TIAM2: variants seen among roughly 807,000 people sequenced by gnomAD.
The protein encoded by TIAM2 is TIAM Rac1 associated GEF 2, also known as rho guanine nucleotide exchange factor TIAM2.
A neutral mutation model predicts 152.9 loss-of-function variants in TIAM2; 80 were observed. The ratio of observed to expected loss-of-function variants is 0.52; its 90% CI spans 0.44 to 0.63. TIAM2 has a LOEUF of 0.63. TIAM2 is among the 30% of genes least tolerant of loss of function. The probability of loss-of-function intolerance (pLI) is 0.00; values close to 1 mark genes in which losing one functional copy is unlikely to be tolerated. For synonymous variants in TIAM2, 804 were observed against 838.0 expected (o/e 0.96, Z 0.70); for missense variants, 1,965 against 2,120.1 (o/e 0.93, Z 1.44).
chr6:155,250,652 TGGTCAC>T, intron 21 of TIAM2: 3 of 1,530,566 alleles, frequency 2.0e-6, no homozygotes, highest in Non-Finnish European at 1.8e-6. Context: ...GAAACTGAGT[TGGTCAC>T]AAGGCATGTC....
Position 155,256,832 on chromosome 6 carries a change from A to G in TIAM2, c.4817A>G (p.Glu1606Gly). Residue 1606 changes from glutamate (E) to glycine (G), a missense_variant, in exon 27 of 27, where the codon GAG becomes GGG. Coordinates refer to ENST00000682666, the MANE Select transcript of TIAM2 (RefSeq NM_012454.4). ...RISEDPDVHP[E>G]AEQQPGPESG... is the part of the protein sequence containing the mutation. Reference sequence around the variant, plus strand: ...TCCGAGGACCCAGACGTTCACCCCGAGGCTGAGCAGCAGCCTGGCCCGGAG... The same window carrying G: ...TCCGAGGACCCAGACGTTCACCCCGGGGCTGAGCAGCAGCCTGGCCCGGAG... 1 of 1,614,200 alleles carries G rather than the reference A, an allele frequency of 6.2e-7. No homozygotes were observed. The highest frequency in any genetic ancestry group is 8.5e-7 in the Non-Finnish European group (1 of 1,180,032).
chr6:155,221,977 G>C (rs1782060336), intron 15 of TIAM2, among the ~76,000 whole-genome samples: 1 of 151,374 alleles, frequency 6.6e-6, no homozygotes, highest in Non-Finnish European at 1.5e-5. Context: ...TTTTTGAGAG[G>C]GAGTCTCACT....
intron 14 of TIAM2, among the ~76,000 whole-genome samples, chr6:155,205,030 C>T (rs1781562187): frequency 6.6e-6 from 1 of 151,920 alleles, no homozygotes; most frequent in Non-Finnish European, 1.5e-5. Context: ...TTTATCATAG[C>T]ATTAATATTC....
At chr6:155,029,785 G>T (rs1381369352) in intron 1 of TIAM2, among the ~76,000 whole-genome samples, 2 of 131,644 alleles carry the variant, frequency 1.5e-5, no homozygotes, top group African/African-American at 5.6e-5. Context: ...GACTTTTTGT[G>T]TTTTTTTTGT....
intron 19 of TIAM2, among the ~76,000 whole-genome samples, chr6:155,246,581 C>G (rs907583992): frequency 9.2e-5 from 14 of 152,210 alleles, no homozygotes; most frequent in South Asian, 6.2e-4. Flanking sequence ...AGTGATCCTC[C>G]TATCTAGGCC....
rs534018426 is a variant in TIAM2, at chr6:155,053,444, C to T, written c.-208-36845C>T. On this transcript the variant is annotated intron_variant, in intron 1 of 26. Coordinates refer to ENST00000682666, the MANE Select transcript of TIAM2 (RefSeq NM_012454.4). ...ACTTGGGATTATAGGCGTGAGCCAC[C>T]GCTCCTGGCCTATTCTTGCAGCTTT... Among the ~76,000 whole-genome samples, 181 of 148,992 alleles carry T rather than the reference C, an allele frequency of 1.2e-3. 1 individual carries two copies. Among genetic ancestry groups the T allele is most frequent in the African/African-American group, 3.8e-3 (155 of 40,652 alleles).
At position 155,211,756 on chromosome 6, in the gene TIAM2, A is replaced by G. The variant is rs138431979; in HGVS notation, c.3168+449A>G. Among the ~76,000 whole-genome samples, 771 of 152,186 alleles carry G rather than the reference A, an allele frequency of 5.1e-3. 5 individuals carry two copies. The highest frequency in any genetic ancestry group is 0.018 in the African/African-American group (731 of 41,510). On this transcript the variant is annotated intron_variant, in intron 15 of 26. Coordinates refer to ENST00000682666, the MANE Select transcript of TIAM2 (RefSeq NM_012454.4). ...AAATATGCCTTTTTTACTATTTTCA[A>G]GTGTATGCCTCTCTGTGGCATTAAG...
Position 155,213,138 on chromosome 6 carries a change from CCT to C in TIAM2, c.3168+1832_3168+1833del, listed in dbSNP as rs1332095491. Among the ~76,000 whole-genome samples the C allele has an allele frequency of 2.0e-5, 3 of 152,086 alleles. No homozygotes were observed. Among genetic ancestry groups the C allele is most frequent in the Admixed American group, 6.5e-5 (1 of 15,280 alleles). ...TGGCGAGCAAGGGGCGTGTTTTGGC[CCT>C]GTTTGTGTTGTAGCTCTTTCAGCCC... On this transcript the variant is annotated intron_variant, in intron 15 of 26. Transcript: ENST00000682666. This position sits in a 1 kb window ranked among gnomAD's most constrained non-coding sequence, Gnocchi z 4.2.
At position 155,147,176 on chromosome 6, in the gene TIAM2, CT is replaced by C. The variant is rs3028764; in HGVS notation, c.1804-921del. ...CCAATATACTTTTATTTACATTGTTCTTTTTTTTTTTTTGTATTGAGGCCAT... is the reference window on the plus strand; with the variant it reads ...CCAATATACTTTTATTTACATTGTTCTTTTTTTTTTTTGTATTGAGGCCAT... On this transcript the variant is annotated intron_variant, in intron 6 of 26. Coordinates refer to ENST00000682666, the MANE Select transcript of TIAM2 (RefSeq NM_012454.4). Among the ~76,000 whole-genome samples the C allele has an allele frequency of 1.5e-4, 21 of 143,300 alleles. 1 individual carries two copies. The highest frequency in any genetic ancestry group is 4.0e-4 in the East Asian group (2 of 5,040). The allele number at this position is 143,300 out of a possible 152,430, so 94.0% of individuals were successfully genotyped here. A position where few individuals can be genotyped will look rare whatever the true frequency, so the allele number is the denominator to read the frequency against.
At chr6:155,054,348 C>T (rs928611076) in intron 1 of TIAM2, among the ~76,000 whole-genome samples, 54 of 152,182 alleles carry the variant, frequency 3.5e-4, no homozygotes, top group Admixed American at 3.0e-3. Context: ...AGGATGATGG[C>T]GTCCAATGAA....
chr6:155,254,083 A>G, intron 25 of TIAM2, 23 bp downstream of exon 25: 1 of 1,600,138 alleles, frequency 6.2e-7, no homozygotes, highest in Non-Finnish European at 8.5e-7. Flanking sequence ...TCCAAAGATT[A>G]AAACCAACAG....
intron 1 of TIAM2, among the ~76,000 whole-genome samples, chr6:155,011,801 A>G (rs1320433559): frequency 2.6e-5 from 4 of 152,244 alleles, no homozygotes; most frequent in African/African-American, 9.6e-5. Flanking sequence ...TTCTTCTGCA[A>G]ACAGACACTT....
intron 2 of TIAM2, among the ~76,000 whole-genome samples, chr6:155,118,429 CTTTTTCT>C (rs746909887): frequency 2.6e-4 from 34 of 132,360 alleles, no homozygotes; most frequent in Admixed American, 3.2e-4. Flanking sequence ...TTTTCTTTTT[CTTTTTCT>C]TTTTTTTTTT....
chr6:155,210,934 A>G (rs1365734025), intron 14 of TIAM2, among the ~76,000 whole-genome samples: 1 of 152,220 alleles, frequency 6.6e-6, no homozygotes, highest in Non-Finnish European at 1.5e-5. Context: ...CACAACAACG[A>G]GAAGAGTGAC....
intron 15 of TIAM2, among the ~76,000 whole-genome samples, chr6:155,220,360 T>G (rs1400124301): frequency 6.6e-6 from 1 of 152,214 alleles, no homozygotes; most frequent in Non-Finnish European, 1.5e-5. Context: ...AATACACGTA[T>G]GTCTAGGAGC....
Position 155,027,969 on chromosome 6 carries a change from A to G in TIAM2, c.-209+32477A>G, listed in dbSNP as rs1562293975. Among the ~76,000 whole-genome samples, 2 of 126,438 alleles carry G rather than the reference A, an allele frequency of 1.6e-5. 1 individual carries two copies. Among genetic ancestry groups the G allele is most frequent in the African/African-American group, 6.5e-5 (2 of 30,594 alleles). 82.9% of individuals were successfully genotyped at this position (126,438 alleles called of 152,430 possible). A position where few individuals can be genotyped will look rare whatever the true frequency, so the allele number is the denominator to read the frequency against. On this transcript the variant is annotated intron_variant, in intron 1 of 26. Coordinates refer to ENST00000682666, the MANE Select transcript of TIAM2 (RefSeq NM_012454.4). ...GTACTGTGTTACATATATACTATAT[A>G]TAATATATGTACTGTGTTACATATA... is the stretch of plus-strand genomic sequence containing the variant.
intron 15 of TIAM2, among the ~76,000 whole-genome samples, chr6:155,222,817 G>A (rs559326321): frequency 6.6e-6 from 1 of 152,198 alleles, no homozygotes; most frequent in African/African-American, 2.4e-5. Context: ...CTTTCTGCTA[G>A]ATATCCCTTT....
rs552456919 is a variant in TIAM2 at position 155,136,771 on chromosome 6, T to C, written c.1195-406T>C. 2.6e-4 allele frequency among the ~76,000 whole-genome samples: 40 copies of C among 152,218 alleles called. No homozygotes were observed. The South Asian group carries it at 7.7e-3, about 29-fold the overall frequency. Reference sequence around the variant, plus strand: ...ATTTTCTAATTTACCTTTCAAATGATCCAGGGAAAAAATAAATTGCAAGAA... The same window carrying C: ...ATTTTCTAATTTACCTTTCAAATGACCCAGGGAAAAAATAAATTGCAAGAA... On this transcript the variant is annotated intron_variant, in intron 4 of 26. Coordinates refer to ENST00000682666, the MANE Select transcript of TIAM2 (RefSeq NM_012454.4).
At chr6:155,148,013 T>G in intron 6 of TIAM2, 97 bp from the exon 7 acceptor site, 1 of 1,216,652 alleles carries the variant, frequency 8.2e-7, no homozygotes, top group Non-Finnish European at 1.2e-6. Flanking sequence ...GTGCAAGTAC[T>G]TCTTGGGTTT....
Sources: allele counts gnomAD v4.1 joint callset (sites outside exome capture counted in the v4.1 genomes callset), GRCh38; gene constraint gnomAD v4.1.1; non-coding constraint Gnocchi (gnomAD v3.1); transcripts MANE v1.5; gene names NCBI Gene and HGNC (gene_info 2026-07-23, HGNC 2026-07-21).